Variants in AGBL4 observed in about 807,000 individuals in gnomAD.
The protein encoded by AGBL4 is AGBL carboxypeptidase 4.
A neutral mutation model predicts 66.4 loss-of-function variants in AGBL4; 58 were observed. That is an observed-to-expected ratio of 0.87 (90% confidence interval 0.71 to 1.09). The LOEUF (loss-of-function observed/expected upper bound fraction) is 1.09, where lower values mean the gene tolerates loss of function less well. AGBL4 is among the 50% of genes least tolerant of loss of function. The pLI is 0.00. For synonymous variants in AGBL4, 234 were observed against 222.9 expected (o/e 1.05, Z -0.44); for missense variants, 579 against 631.0 (o/e 0.92, Z 0.88).
At chr1:48,910,078 A>G (rs1652955295) in intron 5 of AGBL4, among the ~76,000 whole-genome samples, 1 of 152,218 alleles carries the variant, frequency 6.6e-6, no homozygotes, top group South Asian at 2.1e-4. Context: ...AGACCCAATT[A>G]GAAAGAACTT....
chr1:49,576,997 G>A (rs962243066), intron 3 of AGBL4, among the ~76,000 whole-genome samples: 1 of 152,216 alleles, frequency 6.6e-6, no homozygotes, highest in Non-Finnish European at 1.5e-5. Context: ...TTCATGGAAG[G>A]AGAAATGGTC....
rs146818003 is a variant in AGBL4 at position 48,842,538 on chromosome 1, A to G, written c.634+24653T>C. ...AATCTGATTTGTCAAAGGACATAAG[A>G]GAGAGAAGAGAAAATGGGATCATAT... On this transcript the variant is annotated intron_variant, in intron 6 of 13. Coordinates refer to ENST00000371839, the MANE Select transcript of AGBL4 (RefSeq NM_032785.4). Among the ~76,000 whole-genome samples, 5 of 152,310 alleles carry G rather than the reference A, an allele frequency of 3.3e-5. No individual in the cohort carries two copies. The East Asian group carries it at 9.6e-4, about 29-fold the overall frequency.
chr1:49,940,733 G>A (rs1654667297), intron 1 of AGBL4, among the ~76,000 whole-genome samples: 1 of 151,966 alleles, frequency 6.6e-6, no homozygotes, highest in Non-Finnish European at 1.5e-5. Context: ...GATAGCATTA[G>A]GAGATATACC....
chr1:49,347,678 T>G (rs913364794), intron 3 of AGBL4, among the ~76,000 whole-genome samples: 1 of 151,506 alleles, frequency 6.6e-6, no homozygotes, highest in Admixed American at 6.6e-5. Context: ...GCCAACATGG[T>G]GAAGCCCTGT....
chr1:48,994,407 C>T (rs1471124477), intron 5 of AGBL4, among the ~76,000 whole-genome samples: 1 of 152,166 alleles, frequency 6.6e-6, no homozygotes, highest in Non-Finnish European at 1.5e-5. Context: ...TATAACACTA[C>T]ATTATACCAT....
intron 4 of AGBL4, among the ~76,000 whole-genome samples, chr1:49,145,465 G>C (rs929651495): frequency 2.0e-5 from 3 of 152,216 alleles, no homozygotes; most frequent in African/African-American, 7.2e-5. Flanking sequence ...TATGTGTCAG[G>C]TCCCATTCCA....
At chr1:49,108,329 T>C (rs1464331619) in intron 4 of AGBL4, among the ~76,000 whole-genome samples, 1 of 152,232 alleles carries the variant, frequency 6.6e-6, no homozygotes, top group Admixed American at 6.5e-5. Context: ...GGAAAATCCC[T>C]ATTCTTCCCT....
At chr1:48,662,501 T>A (rs1452357333) in intron 7 of AGBL4, among the ~76,000 whole-genome samples, 2 of 152,240 alleles carry the variant, frequency 1.3e-5, no homozygotes, top group Non-Finnish European at 2.9e-5. Context: ...GATAAATTAC[T>A]TAACTTCTCT....
intron 3 of AGBL4, among the ~76,000 whole-genome samples, chr1:49,503,605 G>T (rs1426410413): frequency 6.6e-6 from 1 of 152,168 alleles, no homozygotes. Context: ...GCTGCCCAAA[G>T]CTGTGGGAGC....
chr1:48,797,465 T>C (rs762487723), intron 6 of AGBL4, among the ~76,000 whole-genome samples: 25 of 152,322 alleles, frequency 1.6e-4, no homozygotes, highest in Non-Finnish European at 3.1e-4. Flanking sequence ...AGTGAGAACA[T>C]ACAATGTTTG....
chr1:49,693,433 T>C (rs573854429), intron 3 of AGBL4, among the ~76,000 whole-genome samples: 7 of 152,246 alleles, frequency 4.6e-5, no homozygotes, highest in Non-Finnish European at 1.0e-4. Flanking sequence ...AAACTTTTGA[T>C]AACAGAAAAT....
Position 49,951,773 on chromosome 1 carries a change from A to G in AGBL4, c.34+71990T>C, listed in dbSNP as rs374974906. Among the ~76,000 whole-genome samples, 50 of 152,104 alleles carry G rather than the reference A, an allele frequency of 3.3e-4. 1 individual carries two copies. In the South Asian group the frequency reaches 9.5e-3, roughly 29 times the overall value. ...TTTATTTAATCATTTCACAATATAT[A>G]TGTAAATCAAAACATTACATTGTAC... On this transcript the variant is annotated intron_variant, in intron 1 of 13. Coordinates refer to ENST00000371839, the MANE Select transcript of AGBL4 (RefSeq NM_032785.4).
intron 9 of AGBL4, among the ~76,000 whole-genome samples, chr1:48,615,827 T>G (rs569574629): frequency 6.6e-6 from 1 of 152,326 alleles, no homozygotes; most frequent in South Asian, 2.1e-4. Context: ...ATAAATTTAT[T>G]TCTCACAGTT....
At chr1:49,025,353 G>C (rs1663574851) in intron 5 of AGBL4, among the ~76,000 whole-genome samples, 1 of 152,112 alleles carries the variant, frequency 6.6e-6, no homozygotes, top group South Asian at 2.1e-4. Flanking sequence ...CACAGAAAGA[G>C]AGAGAGGCCT....
intron 6 of AGBL4, among the ~76,000 whole-genome samples, chr1:48,834,167 A>T (rs1558027321): frequency 6.6e-6 from 1 of 152,216 alleles, no homozygotes; most frequent in African/African-American, 2.4e-5. Flanking sequence ...TTCTGGAAGC[A>T]CATAACATAT....
chr1:49,192,802 A>C (rs2148210977), intron 4 of AGBL4, among the ~76,000 whole-genome samples: 1 of 152,314 alleles, frequency 6.6e-6, no homozygotes, highest in East Asian at 1.9e-4. Context: ...TATGAAAAAA[A>C]CCTGAGATGC....
At chr1:50,004,304 C>A (rs1660976487) in intron 1 of AGBL4, among the ~76,000 whole-genome samples, 1 of 152,144 alleles carries the variant, frequency 6.6e-6, no homozygotes, top group East Asian at 1.9e-4. Context: ...TCCAGCAAGC[C>A]TCACCACCAT....
intron 11 of AGBL4, among the ~76,000 whole-genome samples, chr1:48,553,851 T>G (rs1644283989): frequency 6.6e-6 from 1 of 152,150 alleles, no homozygotes; most frequent in South Asian, 2.1e-4. Flanking sequence ...CTGCGATTAG[T>G]GAGAATCTGG....
At chr1:49,833,286 C>T (rs1645749188) in intron 2 of AGBL4, among the ~76,000 whole-genome samples, 1 of 151,770 alleles carries the variant, frequency 6.6e-6, no homozygotes, top group African/African-American at 2.4e-5. Context: ...TCAGGTTTGT[C>T]AAAGATCAGA....
Sources: gnomAD v4.1 joint callset for allele counts (sites outside exome capture counted in the v4.1 genomes callset) on GRCh38, gnomAD v4.1.1 for gene constraint, MANE v1.5 for transcripts, NCBI Gene and HGNC (gene_info 2026-07-23, HGNC 2026-07-21) for gene names.